Variants in RASGRP2 observed in about 807,000 individuals in gnomAD.
RASGRP2 encodes RAS guanyl-releasing protein 2.
A neutral mutation model predicts 71.0 loss-of-function variants in RASGRP2; 44 were observed. That is an observed-to-expected ratio of 0.62 (90% CI 0.49 to 0.80). RASGRP2 has a LOEUF of 0.80. Among genes scored for constraint, RASGRP2 ranks in the 30% least tolerant of loss-of-function variants. The probability of loss-of-function intolerance (pLI) is 0.00; values close to 1 mark genes in which losing one functional copy is unlikely to be tolerated. For missense variants in RASGRP2, 663 were observed against 813.4 expected, an observed-to-expected ratio of 0.82 and a Z score of 2.25; for synonymous variants, 350 against 330.7, an observed-to-expected ratio of 1.06 and a Z score of -0.63.
intron 15 of RASGRP2, 146 bp from the exon 16 acceptor site, chr11:64,727,506 ATTTTTTTT>A (rs34854951): frequency 1.1e-4 from 34 of 323,748 alleles, no homozygotes; most frequent in South Asian, 1.8e-4. Context: ...TCACAGCCCA[ATTTTTTTT>A]TTTTTTTTTT....
chr11:64,736,050 G>T, intron 9 of RASGRP2, 70 bp from the exon 10 acceptor site: 1 of 1,304,814 alleles, frequency 7.7e-7, no homozygotes, highest in South Asian at 1.2e-5. Flanking sequence ...GCCAAAGGTC[G>T]ACCTAGAGGC....
At position 64,739,132 on chromosome 11, in the gene RASGRP2, C is replaced by A. The variant is rs553723663; in HGVS notation, c.813+228G>T. Reference sequence around the variant, plus strand: ...CCAGTCTGGACAACAGAGAGAGAGACCCTGTCTTAAAAAAAAAAAAAAAAG... The same window carrying A: ...CCAGTCTGGACAACAGAGAGAGAGAACCTGTCTTAAAAAAAAAAAAAAAAG... On this transcript the variant is annotated intron_variant, in intron 8 of 16. Transcript: ENST00000394432. This position sits in a 1 kb window ranked among gnomAD's most constrained non-coding sequence, Gnocchi z 4.2. Among the ~76,000 whole-genome samples the A allele has an allele frequency of 1.5e-4, 23 of 150,262 alleles. No individual in the cohort carries two copies. Among genetic ancestry groups the A allele is most frequent in the Admixed American group, 9.9e-4 (15 of 15,144 alleles).
At chr11:64,729,181 G>T in intron 14 of RASGRP2, 139 bp from the exon 15 acceptor site, 2 of 850,082 alleles carry the variant, frequency 2.4e-6, no homozygotes, top group Non-Finnish European at 3.8e-6. Flanking sequence ...TCCTTCCAAA[G>T]TGTTCTCCTC....
chr11:64,740,028 G>A lies in RASGRP2; in HGVS notation c.507C>T (p.Ser169=), dbSNP rs201320599. ...AEHLTYLEYR[S]FCKILFQDYH... is the part of the protein sequence containing the mutation. ...CGGGCCGCACCAGGATCTTGCAGAAGGAGCGATACTCCAAGTAGGTGAGAT... is the reference window on the plus strand; with the variant it reads ...CGGGCCGCACCAGGATCTTGCAGAAAGAGCGATACTCCAAGTAGGTGAGAT... The change falls in exon 6 of 17, where the codon TCC becomes TCT. Residue 169 remains serine, a synonymous_variant. Coordinates refer to ENST00000394432, the MANE Select transcript of RASGRP2 (RefSeq NM_001098671.2). The A allele has an allele frequency of 4.3e-6, 7 of 1,614,110 alleles. No homozygotes were observed. Among genetic ancestry groups the A allele is most frequent in the Non-Finnish European group, 5.1e-6 (6 of 1,180,008 alleles).
chr11:64,739,302 G>A lies in RASGRP2; in HGVS notation c.813+58C>T. 1.5e-6 allele frequency: 2 copies of A among 1,336,310 alleles called. No homozygotes were observed. The highest frequency in any genetic ancestry group is 1.2e-5 in the South Asian group (1 of 85,270). The allele number at this position is 1,336,310 out of a possible 1,614,324, so 82.8% of individuals were successfully genotyped here. On this transcript the variant is annotated intron_variant, in intron 8 of 16. Transcript: ENST00000394432. The surrounding 1 kb of genome is among the most constrained non-coding windows in gnomAD (Gnocchi z 4.2). ...GCTGTGCCCAGCCCCCAGTGCTGCT[G>A]GGAGGACCCAGTGAAGACAGACCTG...
chr11:64,736,020 C>T (rs1286324738), intron 9 of RASGRP2, 40 bp from the exon 10 acceptor site: 1 of 1,577,730 alleles, frequency 6.3e-7, no homozygotes, highest in East Asian at 2.2e-5. Context: ...TGGCCCCTGC[C>T]CACAGCCACA....
At chr11:64,741,308 A>G in intron 4 of RASGRP2, 131 bp downstream of exon 4, 1 of 1,151,086 alleles carries the variant, frequency 8.7e-7, no homozygotes, top group South Asian at 1.3e-5. Context: ...CTGTGGCAGC[A>G]CTGCCCACCC....
chr11:64,732,938 C>T (rs1290471809), intron 12 of RASGRP2, among the ~76,000 whole-genome samples: 3 of 150,528 alleles, frequency 2.0e-5, no homozygotes, highest in Non-Finnish European at 4.4e-5. Flanking sequence ...CAACAAAGAG[C>T]AAAACTCCGT....
chr11:64,728,547 C>T (rs1470344728), intron 15 of RASGRP2, among the ~76,000 whole-genome samples: 1 of 152,108 alleles, frequency 6.6e-6, no homozygotes, highest in Non-Finnish European at 1.5e-5. Context: ...CCTGCCTCAG[C>T]CTCCCAAGTA....
At position 64,743,018 on chromosome 11, in the gene RASGRP2, G is replaced by T; in HGVS notation, c.-71-81C>A. 1 of 1,427,660 alleles carries T rather than the reference G, an allele frequency of 7.0e-7. No individual in the cohort carries two copies. The highest frequency in any genetic ancestry group is 9.5e-7 in the Non-Finnish European group (1 of 1,057,354). The allele number at this position is 1,427,660 out of a possible 1,614,324, so 88.4% of individuals were successfully genotyped here. On this transcript the variant is annotated intron_variant, in intron 1 of 16. Coordinates refer to ENST00000394432, the MANE Select transcript of RASGRP2 (RefSeq NM_001098671.2). The surrounding 1 kb of genome is among the most constrained non-coding windows in gnomAD (Gnocchi z 4.9). Reference sequence around the variant, plus strand: ...CCGCGGGCAGAAACGGGGCGGGGCGGGCACGCCCCCTGCTGGACAGGGGCG... The same window carrying T: ...CCGCGGGCAGAAACGGGGCGGGGCGTGCACGCCCCCTGCTGGACAGGGGCG...
Position 64,743,997 on chromosome 11 carries a change from A to C in RASGRP2, c.-72+6T>G. The C allele has an allele frequency of 1.0e-6, 1 of 987,852 alleles. No homozygotes were observed. Among genetic ancestry groups the C allele is most frequent in the Non-Finnish European group, 1.2e-6 (1 of 830,750 alleles). The allele number at this position is 987,852 out of a possible 1,614,324, so 61.2% of individuals were successfully genotyped here. A position where few individuals can be genotyped will look rare whatever the true frequency, so the allele number is the denominator to read the frequency against. ...CCTGCACGAAGAAACCCTCAGGCAC[A>C]CATACCCAGCTCGTCCACCCCAGAA... On this transcript the variant is annotated splice_donor_region_variant and intron_variant, in intron 1 of 16. Transcript: ENST00000394432. This position sits in a 1 kb window ranked among gnomAD's most constrained non-coding sequence, Gnocchi z 4.9.
chr11:64,735,624 G>A lies in RASGRP2; in HGVS notation c.1214C>T (p.Pro405Leu), dbSNP rs141700750. The change falls in exon 11 of 17, where the codon CCG becomes CTG. Residue 405 changes from proline to leucine, a missense_variant. Physicochemically the swap from Pro to Leu is moderately conservative, Grantham distance 98. Transcript: ENST00000394432. This position sits in a 1 kb window ranked among gnomAD's most constrained non-coding sequence, Gnocchi z 4.2. ...AGCCGAGGTCCACTCCTCCAGTACCGGGGGCCGGGGTGGTGGGGTGCAACT... is the reference window on the plus strand; with the variant it reads ...AGCCGAGGTCCACTCCTCCAGTACCAGGGGCCGGGGTGGTGGGGTGCAACT... ...PTSCTPPPRP[P>L]VLEEWTSAAK... 120 of 1,613,580 alleles carry A rather than the reference G, an allele frequency of 7.4e-5. No homozygotes were observed. The African/African-American group carries it at 9.9e-4, about 13-fold the overall frequency.
At chr11:64,741,593 G>T in intron 3 of RASGRP2, 92 bp from the exon 4 acceptor site, 3 of 1,143,846 alleles carry the variant, frequency 2.6e-6, no homozygotes, top group African/African-American at 1.5e-5. Flanking sequence ...TAGGAGACAC[G>T]TTCTAGGGAT....
At chr11:64,729,270 A>C (rs1049258577) in intron 14 of RASGRP2, among the ~76,000 whole-genome samples, 17 of 151,942 alleles carry the variant, frequency 1.1e-4, no homozygotes, top group African/African-American at 3.9e-4. Flanking sequence ...TGGCCTCTTA[A>C]ACGCCACTCC....
At chr11:64,736,065 G>A (rs2057928504) in intron 9 of RASGRP2, 85 bp from the exon 10 acceptor site, 1 of 1,065,874 alleles carries the variant, frequency 9.4e-7, no homozygotes, top group Non-Finnish European at 1.4e-6. Context: ...AGAGGCCACA[G>A]CTCAGCTCAG....
upstream of RASGRP2, chr11:64,745,407 A>G (rs2058269310): frequency 6.6e-6 from 1 of 152,350 alleles, no homozygotes; most frequent in African/African-American, 2.4e-5. Context: ...CTAGGACAAG[A>G]TGGGAATATT....
At position 64,739,602 on chromosome 11, in the gene RASGRP2, T is replaced by G. The variant is rs1359164744; in HGVS notation, c.696+34A>C. ...GGGTTGGCCTGACTGGCATGTGGGG[T>G]GGTTGGGAGACACCGGGAGGGAGGG... On this transcript the variant is annotated intron_variant, in intron 7 of 16. Coordinates refer to ENST00000394432, the MANE Select transcript of RASGRP2 (RefSeq NM_001098671.2). This position sits in a 1 kb window ranked among gnomAD's most constrained non-coding sequence, Gnocchi z 4.2. 6.2e-7 allele frequency: 1 copy of G among 1,611,692 alleles called. No individual in the cohort carries two copies. Among genetic ancestry groups the G allele is most frequent in the Non-Finnish European group, 8.5e-7 (1 of 1,178,542 alleles).
chr11:64,727,847 GT>G (rs2057623611), intron 15 of RASGRP2, among the ~76,000 whole-genome samples: 1 of 152,098 alleles, frequency 6.6e-6, no homozygotes, highest in African/African-American at 2.4e-5. Context: ...CTTTTTCTAT[GT>G]TTTTGTTTTG....
chr11:64,735,207 G>A lies in RASGRP2; in HGVS notation c.1317C>T (p.Asp439=), dbSNP rs767561239. ...GTGAGATGTGGCCATCCCCATCGAC[G>A]TCAAAGTTCCGGAACACAGACTGGG... is the stretch of plus-strand genomic sequence containing the variant. ...KMVESVFRNF[D]VDGDGHISQE... Residue 439 remains aspartate (D), a synonymous_variant, in exon 12 of 17, where the codon GAC becomes GAT. Coordinates refer to ENST00000394432, the MANE Select transcript of RASGRP2 (RefSeq NM_001098671.2). The surrounding 1 kb of genome is among the most constrained non-coding windows in gnomAD (Gnocchi z 4.2). 1.9e-6 allele frequency: 3 copies of A among 1,614,010 alleles called. No homozygotes were observed. Among genetic ancestry groups the A allele is most frequent in the East Asian group, 2.2e-5 (1 of 44,900 alleles).
Sources: gnomAD v4.1 joint callset for allele counts (sites outside exome capture counted in the v4.1 genomes callset) on GRCh38, gnomAD v4.1.1 for gene constraint, Gnocchi (gnomAD v3.1) non-coding constraint, MANE v1.5 for transcripts, NCBI Gene and HGNC (gene_info 2026-07-23, HGNC 2026-07-21) for gene names.